Variants in APBB2 observed in about 807,000 individuals in gnomAD.
APBB2 encodes Fe65-like 1.
In APBB2, 38 loss-of-function variants were observed where a neutral mutation model predicts 82.5. The observed-to-expected ratio is 0.46, with a 90% CI of 0.36 to 0.60. The LOEUF (loss-of-function observed/expected upper bound fraction) is 0.60, where lower values mean the gene tolerates loss of function less well. Ranked by LOEUF, APBB2 falls within the 20% of genes least tolerant of loss-of-function variation. The pLI is 0.00. For missense variants in APBB2, 772 were observed against 972.3 expected, an observed-to-expected ratio of 0.79 and a Z score of 2.74; for synonymous variants, 341 against 368.2, an observed-to-expected ratio of 0.93 and a Z score of 0.85.
intron 5 of APBB2, among the ~76,000 whole-genome samples, chr4:41,019,898 GAGAC>G (rs201030926): frequency 6.6e-6 from 1 of 151,548 alleles, no homozygotes; most frequent in African/African-American, 2.4e-5. Context: ...GAGAGAGGAA[GAGAC>G]AGAGAGACAA....
chr4:40,976,092 T>C (rs934988402), intron 6 of APBB2, among the ~76,000 whole-genome samples: 3 of 152,214 alleles, frequency 2.0e-5, no homozygotes, highest in East Asian at 3.8e-4. Flanking sequence ...TGAAGATTTA[T>C]ACAAACTCAT....
At chr4:41,100,923 G>T (rs1160376396) in intron 2 of APBB2, among the ~76,000 whole-genome samples, 173 bp from the exon 3 acceptor site, 1 of 152,122 alleles carries the variant, frequency 6.6e-6, no homozygotes. Context: ...TACTAACAAG[G>T]CTTTCTAAAT....
At chr4:40,971,475 A>G (rs889041767) in intron 6 of APBB2, among the ~76,000 whole-genome samples, 9 of 152,236 alleles carry the variant, frequency 5.9e-5, no homozygotes, top group African/African-American at 2.2e-4. Context: ...ATCTTTATGC[A>G]GAAGCAGGAG....
chr4:40,965,496 G>A (rs1794457345), intron 6 of APBB2, among the ~76,000 whole-genome samples: 1 of 152,138 alleles, frequency 6.6e-6, no homozygotes. Flanking sequence ...TATTAAACGT[G>A]TCTAGTCCAA....
At chr4:41,055,950 T>C (rs1277799597) in intron 4 of APBB2, among the ~76,000 whole-genome samples, 1 of 152,204 alleles carries the variant, frequency 6.6e-6, no homozygotes, top group Non-Finnish European at 1.5e-5. Context: ...CCCAGCACTT[T>C]GGGAGGCCAA....
intron 12 of APBB2, among the ~76,000 whole-genome samples, chr4:40,846,651 C>T (rs1413005579): frequency 2.0e-5 from 3 of 152,168 alleles, no homozygotes; most frequent in African/African-American, 4.8e-5. Context: ...CACTGTCCTG[C>T]CCAGCAGCGC....
At position 40,940,360 on chromosome 4, in the gene APBB2, T is replaced by G. The variant is rs1175908301; in HGVS notation, c.1044+4505A>C. 2.0e-5 allele frequency among the ~76,000 whole-genome samples: 3 copies of G among 152,272 alleles called. No individual in the cohort carries two copies. The East Asian group carries it at 5.8e-4, about 29-fold the overall frequency. ...ATCACTTGGAGAGCTTATGCAAAGG[T>G]TCCCAGGCCCCATCCCATTCTGTGA... On this transcript the variant is annotated intron_variant, in intron 7 of 17. Transcript: ENST00000508593.
rs370141325 is a variant in APBB2, at chr4:41,032,635, GGTAAA to G, written c.19+596_19+600del. Among the ~76,000 whole-genome samples the G allele has an allele frequency of 3.8e-4, 58 of 152,000 alleles. No individual in the cohort carries two copies. The East Asian group carries it at 9.7e-3, about 25-fold the overall frequency. ...CAGGCTGTAATGTACAATGCTAGAT[GGTAAA>G]ATTTGACAGTTTTAAGCTCCTGTCA... On this transcript the variant is annotated intron_variant, in intron 5 of 17. Coordinates refer to ENST00000508593, the MANE Select transcript of APBB2 (RefSeq NM_004307.2).
At chr4:40,836,815 G>T (rs1181961289) in intron 12 of APBB2, among the ~76,000 whole-genome samples, 1 of 152,172 alleles carries the variant, frequency 6.6e-6, no homozygotes, top group Non-Finnish European at 1.5e-5. Flanking sequence ...GGAGTTAAAA[G>T]AACAGAGTTC....
chr4:41,171,507 C>G (rs1441004496), intron 1 of APBB2, among the ~76,000 whole-genome samples: 2 of 152,126 alleles, frequency 1.3e-5, no homozygotes, highest in Non-Finnish European at 2.9e-5. Flanking sequence ...GAAGACAAAA[C>G]AGGGCCAAGA....
chr4:40,981,144 G>A (rs1474997579), intron 6 of APBB2, among the ~76,000 whole-genome samples: 1 of 152,196 alleles, frequency 6.6e-6, no homozygotes. Context: ...TAGCAAGAAA[G>A]AGAATCAGAA....
chr4:40,855,083 G>C lies in APBB2; in HGVS notation c.1530-24506C>G, dbSNP rs550531842. Among the ~76,000 whole-genome samples the C allele has an allele frequency of 7.6e-4, 115 of 152,296 alleles. 1 individual carries two copies. Among genetic ancestry groups the C allele is most frequent in the African/African-American group, 2.4e-3 (98 of 41,556 alleles). On this transcript the variant is annotated intron_variant, in intron 12 of 17. Coordinates refer to ENST00000508593, the MANE Select transcript of APBB2 (RefSeq NM_004307.2). Reference sequence around the variant, plus strand: ...TTAATACTTCCACCCTTGGAGTGCAGATGACCTGAGGCCCCTCGTTGTTTG... The same window carrying C: ...TTAATACTTCCACCCTTGGAGTGCACATGACCTGAGGCCCCTCGTTGTTTG...
At chr4:40,946,582 A>T (rs1365284028) in intron 6 of APBB2, among the ~76,000 whole-genome samples, 1 of 152,142 alleles carries the variant, frequency 6.6e-6, no homozygotes, top group Non-Finnish European at 1.5e-5. Flanking sequence ...AATGGGTAAC[A>T]GTGCTAGAGA....
At chr4:40,986,284 G>T (rs1174281152) in intron 6 of APBB2, among the ~76,000 whole-genome samples, 1 of 152,188 alleles carries the variant, frequency 6.6e-6, no homozygotes, top group Non-Finnish European at 1.5e-5. Flanking sequence ...CTCTCTGGTT[G>T]TCACCATGCA....
At chr4:41,027,324 TAC>T (rs1288553597) in intron 5 of APBB2, among the ~76,000 whole-genome samples, 4 of 146,426 alleles carry the variant, frequency 2.7e-5, no homozygotes, top group Admixed American at 6.9e-5. Flanking sequence ...TTTTTGTACA[TAC>T]ACACACACAT....
intron 3 of APBB2, among the ~76,000 whole-genome samples, chr4:41,079,846 C>T (rs1348652582): frequency 2.6e-5 from 4 of 152,156 alleles, no homozygotes; most frequent in Non-Finnish European, 4.4e-5. Flanking sequence ...CGCGACCGGC[C>T]AGCTCACCTA....
Position 40,826,373 on chromosome 4 carries a change from G to GC in APBB2, c.1733-404_1733-403insG, listed in dbSNP as rs1553927435. Among the ~76,000 whole-genome samples, 2 of 146,076 alleles carry GC rather than the reference G, an allele frequency of 1.4e-5. No homozygotes were observed. The highest frequency in any genetic ancestry group is 5.0e-5 in the African/African-American group (2 of 39,836). ...TGAGTTCCCCCAGTAATCAACCCAC[G>GC]TTTTTTTTTTTTTAGAGACAAGAGT... On this transcript the variant is annotated intron_variant, in intron 14 of 17. Transcript: ENST00000508593. This position sits in a 1 kb window ranked among gnomAD's most constrained non-coding sequence, Gnocchi z 4.5.
intron 3 of APBB2, among the ~76,000 whole-genome samples, chr4:41,080,090 C>T (rs1040217069): frequency 3.3e-5 from 5 of 152,098 alleles, no homozygotes; most frequent in African/African-American, 9.7e-5. Context: ...TTCAGAGAGA[C>T]GAGGCAGTTT....
At chr4:40,902,688 A>C (rs756984798) in intron 10 of APBB2, among the ~76,000 whole-genome samples, 9 of 151,988 alleles carry the variant, frequency 5.9e-5, no homozygotes, top group Non-Finnish European at 1.3e-4. Context: ...TGCCTACCAC[A>C]CCCTGCTAGT....
Sources: gnomAD v4.1 joint callset for allele counts (sites outside exome capture counted in the v4.1 genomes callset) on GRCh38, gnomAD v4.1.1 for gene constraint, Gnocchi (gnomAD v3.1) non-coding constraint, MANE v1.5 for transcripts, NCBI Gene and HGNC (gene_info 2026-07-23, HGNC 2026-07-21) for gene names.